XKR6: variants seen among roughly 807,000 people sequenced by gnomAD.
XKR6 encodes XK-related protein 6.
Under a neutral mutation model 56.7 loss-of-function variants are expected in XKR6, and 22 were observed. The observed-to-expected ratio is 0.39, with a 90% CI of 0.28 to 0.55. XKR6 has a LOEUF of 0.55. Ranked by LOEUF, XKR6 falls within the 20% of genes least tolerant of loss-of-function variation. The pLI is 0.66. For missense variants in XKR6, 852 were observed against 889.0 expected (o/e 0.96, Z 0.53); for synonymous variants, 524 against 387.8 (o/e 1.35, Z -4.13).
At chr8:10,915,349 C>CGCT (rs61258677) in intron 2 of XKR6, among the ~76,000 whole-genome samples, 2 of 151,720 alleles carry the variant, frequency 1.3e-5, no homozygotes, top group African/African-American at 4.9e-5. Context: ...TTGTCAGAGC[C>CGCT]CCCATGAAGC....
chr8:10,938,795 C>T (rs1244190805), intron 1 of XKR6, among the ~76,000 whole-genome samples: 3 of 152,098 alleles, frequency 2.0e-5, no homozygotes, highest in Non-Finnish European at 4.4e-5. Context: ...CGCGTATGCA[C>T]TGAAACTCAA....
intron 1 of XKR6, among the ~76,000 whole-genome samples, chr8:11,167,424 T>C (rs1198577667): frequency 6.6e-6 from 1 of 152,186 alleles, no homozygotes; most frequent in African/African-American, 2.4e-5. Context: ...TCAGGGATAC[T>C]TGACAAGGTT....
intron 1 of XKR6, among the ~76,000 whole-genome samples, chr8:11,117,649 T>C (rs886256259): frequency 5.3e-5 from 8 of 152,102 alleles, no homozygotes; most frequent in African/African-American, 1.9e-4. Flanking sequence ...TAAAAGTACA[T>C]TTTAAGGCAC....
chr8:10,942,227 C>T (rs1042096621), intron 1 of XKR6, among the ~76,000 whole-genome samples: 2 of 152,158 alleles, frequency 1.3e-5, no homozygotes, highest in African/African-American at 2.4e-5. Flanking sequence ...TTACACACAG[C>T]GTACTCAACA....
intron 1 of XKR6, among the ~76,000 whole-genome samples, chr8:11,040,471 G>A (rs1449736880): frequency 6.6e-6 from 1 of 152,078 alleles, no homozygotes; most frequent in Non-Finnish European, 1.5e-5. Flanking sequence ...GGTCGAGGCT[G>A]CAGTGAGCCA....
chr8:11,025,745 T>A (rs913250590), intron 1 of XKR6, among the ~76,000 whole-genome samples: 6 of 152,090 alleles, frequency 3.9e-5, no homozygotes, highest in Non-Finnish European at 8.8e-5. Context: ...CCAAATAGAG[T>A]GTGAGCTGGA....
At chr8:11,181,467 C>G (rs1489122394) in intron 1 of XKR6, among the ~76,000 whole-genome samples, 1 of 152,128 alleles carries the variant, frequency 6.6e-6, no homozygotes, top group African/African-American at 2.4e-5. Context: ...CTATAGTTTT[C>G]TTCTGGTTCC....
chr8:10,946,553 G>A (rs368116072), intron 1 of XKR6, among the ~76,000 whole-genome samples: 20 of 151,986 alleles, frequency 1.3e-4, no homozygotes, highest in African/African-American at 4.1e-4. Flanking sequence ...CGTGTCCTGC[G>A]GTTTTCCCTC....
At chr8:11,100,839 G>C (rs1798445292) in intron 1 of XKR6, among the ~76,000 whole-genome samples, 1 of 152,194 alleles carries the variant, frequency 6.6e-6, no homozygotes, top group Admixed American at 6.5e-5. Flanking sequence ...AAAAGCTTTT[G>C]TTGGCGTTGG....
intron 1 of XKR6, among the ~76,000 whole-genome samples, chr8:11,013,017 C>T (rs1051503503): frequency 2.0e-5 from 3 of 152,250 alleles, no homozygotes; most frequent in South Asian, 2.1e-4. Context: ...CCTTATCCTT[C>T]GGCTTGAAGA....
chr8:11,099,213 G>A (rs893499717), intron 1 of XKR6, among the ~76,000 whole-genome samples: 2 of 152,174 alleles, frequency 1.3e-5, no homozygotes, highest in African/African-American at 4.8e-5. Flanking sequence ...ACAGCAGGAG[G>A]GCAATCGTCC....
At chr8:11,166,194 G>C (rs990837462) in intron 1 of XKR6, among the ~76,000 whole-genome samples, 1 of 152,102 alleles carries the variant, frequency 6.6e-6, no homozygotes, top group African/African-American at 2.4e-5. Flanking sequence ...AGAGGAAAAA[G>C]ACCATTGAAC....
chr8:11,138,824 T>C (rs559719042), intron 1 of XKR6, among the ~76,000 whole-genome samples: 2 of 152,268 alleles, frequency 1.3e-5, no homozygotes, highest in Admixed American at 1.3e-4. Context: ...AAATGTTCTA[T>C]ATTCTCTAAA....
intron 1 of XKR6, among the ~76,000 whole-genome samples, chr8:10,986,463 T>C (rs924643050): frequency 6.6e-6 from 1 of 152,202 alleles, no homozygotes; most frequent in East Asian, 1.9e-4. Context: ...AGCGACACCA[T>C]TATCTTTATA....
At chr8:11,078,504 G>A (rs951464992) in intron 1 of XKR6, among the ~76,000 whole-genome samples, 7 of 152,200 alleles carry the variant, frequency 4.6e-5, no homozygotes, top group Admixed American at 6.5e-5. Context: ...CTTCCCATCT[G>A]CCAGGAACCT....
At chr8:10,959,920 G>A (rs181049075) in intron 1 of XKR6, among the ~76,000 whole-genome samples, 1,623 of 152,204 alleles carry the variant, frequency 0.011, 15 homozygotes, top group Non-Finnish European at 0.014. Context: ...CTGGAACTAC[G>A]GTGAGGCAAT....
At chr8:11,096,741 G>A (rs1329140459) in intron 1 of XKR6, among the ~76,000 whole-genome samples, 1 of 152,216 alleles carries the variant, frequency 6.6e-6, no homozygotes, top group Non-Finnish European at 1.5e-5. Context: ...TGGGTCCTTG[G>A]GCTCCAGCCG....
At chr8:10,965,850 C>G (rs113643719) in intron 1 of XKR6, among the ~76,000 whole-genome samples, 3,659 of 152,268 alleles carry the variant, frequency 0.024, 82 homozygotes, top group African/African-American at 0.066. Context: ...TGGCCCGGGC[C>G]GAGTCCACAT....
At chr8:10,905,497 G>A (rs768374863) in intron 2 of XKR6, among the ~76,000 whole-genome samples, 1 of 152,218 alleles carries the variant, frequency 6.6e-6, no homozygotes, top group African/African-American at 2.4e-5. Flanking sequence ...AGACGTGGAT[G>A]TGGCCACAGC....
Sources: gnomAD v4.1 joint callset for allele counts (sites outside exome capture counted in the v4.1 genomes callset) on GRCh38, gnomAD v4.1.1 for gene constraint, MANE v1.5 for transcripts, NCBI Gene and HGNC (gene_info 2026-07-23, HGNC 2026-07-21) for gene names.